Variants in ZMIZ1 observed in about 807,000 individuals in gnomAD.
The protein encoded by ZMIZ1 is zinc finger MIZ domain-containing protein 1.
In ZMIZ1, 17 loss-of-function variants were observed where a neutral mutation model predicts 113.9. The ratio of observed to expected loss-of-function variants is 0.15; its 90% CI spans 0.10 to 0.22. The LOEUF is 0.22. Among genes scored for constraint, ZMIZ1 ranks in the 10% least tolerant of loss-of-function variants. ZMIZ1 has a pLI of 1.00. For synonymous variants in ZMIZ1, 607 were observed against 603.1 expected, an observed-to-expected ratio of 1.01 and a Z score of -0.09; for missense variants, 1,059 against 1,477.8, an observed-to-expected ratio of 0.72 and a Z score of 4.65.
intron 1 of ZMIZ1, among the ~76,000 whole-genome samples, chr10:79,114,305 T>C (rs1438288577): frequency 2.6e-5 from 4 of 152,216 alleles, no homozygotes; most frequent in Non-Finnish European, 4.4e-5. Context: ...TTTTAAGAAA[T>C]AGCACCCATT....
At chr10:79,096,654 A>T (rs1043296793) in intron 1 of ZMIZ1, among the ~76,000 whole-genome samples, 1 of 152,150 alleles carries the variant, frequency 6.6e-6, no homozygotes, top group Admixed American at 6.5e-5. Flanking sequence ...TGAGGGGTTG[A>T]TAGAGACTGG....
At position 79,140,548 on chromosome 10, in the gene ZMIZ1, C is replaced by T. The variant is rs573726339; in HGVS notation, c.-131+771C>T. On this transcript the variant is annotated intron_variant, in intron 3 of 24. Transcript: ENST00000334512. ...TTGTGTGCCTGTGAGACCCATCCCT[C>T]CATCCATCCATCATCCATCCACTTA... is the stretch of plus-strand genomic sequence containing the variant. Among the ~76,000 whole-genome samples the T allele has an allele frequency of 8.5e-5, 13 of 152,294 alleles. No homozygotes were observed. In the South Asian group the frequency reaches 2.7e-3, roughly 32 times the overall value.
At chr10:79,213,941 C>T (rs987366074) in intron 6 of ZMIZ1, among the ~76,000 whole-genome samples, 2 of 152,192 alleles carry the variant, frequency 1.3e-5, no homozygotes, top group Admixed American at 6.5e-5. Context: ...CCAGCATTTT[C>T]ACTGCAGCAC....
intron 7 of ZMIZ1, among the ~76,000 whole-genome samples, chr10:79,228,662 A>G (rs1476321769): frequency 6.6e-6 from 1 of 152,206 alleles, no homozygotes; most frequent in African/African-American, 2.4e-5. Flanking sequence ...CAGGCCCTGG[A>G]AATGGGTCTC....
At chr10:79,145,341 G>GCGTGCCCGCGCGAC (rs1554856896) in intron 3 of ZMIZ1, among the ~76,000 whole-genome samples, 1 of 10,552 alleles carries the variant, frequency 9.5e-5, no homozygotes, top group African/African-American at 6.2e-4. Flanking sequence ...CTGCATTCCG[G>GCGTGCCCGCGCGAC]AGTGCCTGCG....
At chr10:79,245,060 TG>T (rs1564547532) in intron 7 of ZMIZ1, among the ~76,000 whole-genome samples, 1 of 152,188 alleles carries the variant, frequency 6.6e-6, no homozygotes, top group Non-Finnish European at 1.5e-5. Flanking sequence ...ATTTTTATCC[TG>T]AACTTCCTTA....
At chr10:79,115,948 T>G (rs925553488) in intron 1 of ZMIZ1, among the ~76,000 whole-genome samples, 2 of 152,222 alleles carry the variant, frequency 1.3e-5, no homozygotes, top group Non-Finnish European at 2.9e-5. Context: ...TGCCTAGCAG[T>G]TTCCATTGTT....
chr10:79,233,269 T>C (rs1450497631), intron 7 of ZMIZ1, among the ~76,000 whole-genome samples: 2 of 152,258 alleles, frequency 1.3e-5, no homozygotes, highest in African/African-American at 2.4e-5. Flanking sequence ...GCAGCATTGC[T>C]TGGCCCCTGC....
intron 4 of ZMIZ1, among the ~76,000 whole-genome samples, chr10:79,198,823 C>T (rs759189886): frequency 1.4e-4 from 22 of 152,014 alleles, no homozygotes; most frequent in South Asian, 2.1e-4. Context: ...TGCCTGAGGT[C>T]GGGAGTTCGA....
At chr10:79,122,867 T>C (rs1844359015) in intron 2 of ZMIZ1, among the ~76,000 whole-genome samples, 1 of 152,222 alleles carries the variant, frequency 6.6e-6, no homozygotes, top group South Asian at 2.1e-4. Context: ...CGCCTCATCT[T>C]GCAGCATTTG....
chr10:79,186,597 T>G (rs1472966907), intron 4 of ZMIZ1, among the ~76,000 whole-genome samples: 2 of 152,254 alleles, frequency 1.3e-5, no homozygotes, highest in East Asian at 3.8e-4. Flanking sequence ...TAATTAACTT[T>G]GTAATTAATA....
chr10:79,154,800 G>A (rs949181506), intron 3 of ZMIZ1, among the ~76,000 whole-genome samples: 2 of 152,122 alleles, frequency 1.3e-5, no homozygotes, highest in African/African-American at 4.8e-5. Context: ...AGTTGGTCTC[G>A]GACTCATCTT....
At chr10:79,220,714 TG>T (rs993126609) in intron 7 of ZMIZ1, among the ~76,000 whole-genome samples, 4 of 152,214 alleles carry the variant, frequency 2.6e-5, no homozygotes, top group African/African-American at 9.6e-5. Context: ...TCTGCCTTCC[TG>T]GGTTTCTCTG....
intron 7 of ZMIZ1, among the ~76,000 whole-genome samples, chr10:79,276,508 C>G (rs1389444681): frequency 6.6e-6 from 1 of 152,198 alleles, no homozygotes; most frequent in African/African-American, 2.4e-5. Context: ...CTTGGCCCCC[C>G]ACCACCCTGG....
chr10:79,143,404 T>G (rs1845353200), intron 3 of ZMIZ1, among the ~76,000 whole-genome samples: 2 of 152,046 alleles, frequency 1.3e-5, no homozygotes, highest in African/African-American at 2.4e-5. Flanking sequence ...CCGGGCCCAC[T>G]CACCCCTCTC....
At chr10:79,108,214 T>G (rs1285465079) in intron 1 of ZMIZ1, among the ~76,000 whole-genome samples, 1 of 152,182 alleles carries the variant, frequency 6.6e-6, no homozygotes, top group Non-Finnish European at 1.5e-5. Flanking sequence ...AGCTTTTCCC[T>G]AGGCAGCAGA....
chr10:79,196,041 T>C (rs1443410078), intron 4 of ZMIZ1, among the ~76,000 whole-genome samples: 1 of 152,178 alleles, frequency 6.6e-6, no homozygotes, highest in Non-Finnish European at 1.5e-5. Context: ...CCTTCCTCTC[T>C]TTATGCCTGA....
At chr10:79,240,376 T>C (rs1849770174) in intron 7 of ZMIZ1, among the ~76,000 whole-genome samples, 2 of 152,070 alleles carry the variant, frequency 1.3e-5, no homozygotes, top group African/African-American at 4.8e-5. Context: ...AGCAAATCTT[T>C]GGAAGTTGGA....
At chr10:79,161,821 C>T (rs1846124095) in intron 3 of ZMIZ1, among the ~76,000 whole-genome samples, 1 of 151,366 alleles carries the variant, frequency 6.6e-6, no homozygotes, top group Admixed American at 6.6e-5. Flanking sequence ...CCCACTTTGA[C>T]ACGTGAGGAA....
Sources: gnomAD v4.1 joint callset for allele counts (sites outside exome capture counted in the v4.1 genomes callset) on GRCh38, gnomAD v4.1.1 for gene constraint, MANE v1.5 for transcripts, NCBI Gene and HGNC (gene_info 2026-07-23, HGNC 2026-07-21) for gene names.